ZC3H11A: variants seen among roughly 807,000 people sequenced by gnomAD.
ZC3H11A encodes the protein zinc finger CCCH-type containing 11A, also known as zinc finger CCCH domain-containing protein 11A.
Under a neutral mutation model 90.8 loss-of-function variants are expected in ZC3H11A, and 22 were observed. The ratio of observed to expected loss-of-function variants is 0.24; its 90% confidence interval spans 0.17 to 0.35. The LOEUF (loss-of-function observed/expected upper bound fraction) is 0.35. Among genes scored for constraint, ZC3H11A ranks in the 10% least tolerant of loss-of-function variants. ZC3H11A has a pLI of 1.00. For missense variants in ZC3H11A, 701 were observed against 964.9 expected (o/e 0.73, Z 3.62); for synonymous variants, 294 against 339.8 (o/e 0.87, Z 1.48).
chr1:203,821,996 A>G (rs1409336914), intron 4 of ZC3H11A, among the ~76,000 whole-genome samples: 1 of 152,070 alleles, frequency 6.6e-6, no homozygotes, highest in Non-Finnish European at 1.5e-5. Flanking sequence ...TGACCTCGTG[A>G]TCCGCCCGCC....
In ZC3H11A at chr1:203,801,071, A is replaced by G. The variant is rs796273400; in HGVS notation, c.-1587-504A>G. On this transcript the variant is annotated intron_variant, in intron 1 of 17. Transcript: ENST00000367210. ...AGGGAAATATTAGAAAACAATTAGGAAAATATACTTTTAGTCTTTGAAATG... is the reference window on the plus strand; with the variant it reads ...AGGGAAATATTAGAAAACAATTAGGGAAATATACTTTTAGTCTTTGAAATG... 3.9e-5 allele frequency: 6 copies of G among 152,336 alleles called. No homozygotes were observed. In the South Asian group the frequency reaches 6.2e-4, roughly 16 times the overall value. 9.4% of individuals were successfully genotyped at this position (152,336 alleles called of 1,614,324 possible).
At chr1:203,829,372 T>G in intron 5 of ZC3H11A, 79 bp from the exon 6 acceptor site, 6 of 1,428,240 alleles carry the variant, frequency 4.2e-6, no homozygotes, top group Non-Finnish European at 5.9e-6. Flanking sequence ...CACTATAGTT[T>G]TCATAGGTGG....
Position 203,833,829 on chromosome 1 carries a change from C to G in ZC3H11A, c.850C>G (p.Leu284Val). 6.2e-7 allele frequency: 1 copy of G among 1,610,002 alleles called. No homozygotes were observed. Among genetic ancestry groups the G allele is most frequent in the South Asian group, 1.1e-5 (1 of 90,106 alleles). Reference protein sequence around the residue: ...PLVRLSLTERLGKRKFSAGGD... With the variant: ...PLVRLSLTERVGKRKFSAGGD... Reference sequence around the variant, plus strand: ...GGTTAGATTGAGTCTTACTGAGAGACTGGGGAAACGAAAATTTTCAGCAGG... The same window carrying G: ...GGTTAGATTGAGTCTTACTGAGAGAGTGGGGAAACGAAAATTTTCAGCAGG... Residue 284 changes from leucine to valine, a missense_variant, in exon 10 of 18, where the codon CTG becomes GTG. By Grantham distance (32) the Leu-to-Val change is conservative. This residue lies in a region of ZC3H11A where 530 missense variants were observed against 696.2 expected (regional missense o/e 0.76). Transcript: ENST00000367210.
chr1:203,812,191 G>C (rs770213346), intron 2 of ZC3H11A, among the ~76,000 whole-genome samples: 5 of 152,052 alleles, frequency 3.3e-5, no homozygotes, highest in Non-Finnish European at 7.4e-5. Flanking sequence ...GTGTGTCGTG[G>C]GGGTTTGTTG....
Position 203,851,008 on chromosome 1 carries a change from A to C in ZC3H11A, c.2107-49A>C, listed in dbSNP as rs749319665. The stretch of plus-strand genomic sequence containing the variant: ...CAGCAAAAGAAAATGAATATGCTCA[A>C]ATTAAAAAGCCTGACTCTCACTGAA... On this transcript the variant is annotated intron_variant, in intron 16 of 17. Coordinates refer to ENST00000367210, the MANE Select transcript of ZC3H11A (RefSeq NM_001376342.1). 5.9e-5 allele frequency: 94 copies of C among 1,595,462 alleles called. 1 individual carries two copies. The South Asian group carries it at 1.0e-3, about 18-fold the overall frequency.
chr1:203,821,277 C>G (rs557103430), intron 4 of ZC3H11A, among the ~76,000 whole-genome samples: 1 of 152,226 alleles, frequency 6.6e-6, no homozygotes, highest in Admixed American at 6.5e-5. Context: ...TTCCTGAAGC[C>G]TCCCCAGCCA....
In ZC3H11A at chr1:203,840,314, T is replaced by G; in HGVS notation, c.982T>G (p.Ser328Ala). The part of the protein sequence containing the change: ...IDKTPKKAQV[S>A]KSLKERLGMS... ...AATCTTTCTTTTCACAGCTCAAGTTTCCAAGTCTCTTAAGGAGCGATTAGG... is the reference window on the plus strand; with the variant it reads ...AATCTTTCTTTTCACAGCTCAAGTTGCCAAGTCTCTTAAGGAGCGATTAGG... The change falls in exon 12 of 18, where the codon TCC (serine) becomes GCC (alanine). Residue 328 changes from serine to alanine, a missense_variant. Coordinates refer to ENST00000367210, the MANE Select transcript of ZC3H11A (RefSeq NM_001376342.1). 3 of 1,612,992 alleles carry G rather than the reference T, an allele frequency of 1.9e-6. No homozygotes were observed. The highest frequency in any genetic ancestry group is 2.5e-6 in the Non-Finnish European group (3 of 1,179,398).
chr1:203,839,949 A>G (rs993812040), intron 11 of ZC3H11A, among the ~76,000 whole-genome samples: 1 of 148,520 alleles, frequency 6.7e-6, no homozygotes, highest in Admixed American at 6.7e-5. Context: ...GATTACAGGC[A>G]TGTGCCACCA....
intron 2 of ZC3H11A, among the ~76,000 whole-genome samples, chr1:203,815,398 T>C (rs1472148832): frequency 7.1e-6 from 1 of 140,354 alleles, no homozygotes; most frequent in African/African-American, 2.6e-5. Flanking sequence ...TTTTTTTTTT[T>C]TTAAGAGATG....
chr1:203,829,748 A>G (rs1476885722), intron 6 of ZC3H11A, 32 bp from the exon 7 acceptor site: 1 of 1,612,842 alleles, frequency 6.2e-7, no homozygotes, highest in Admixed American at 1.7e-5. Flanking sequence ...CGTATTTTTA[A>G]TTGTGAATTT....
rs115624993 is a variant in ZC3H11A, at chr1:203,815,856, G to A, written c.-145-1070G>A. 4.3e-3 allele frequency among the ~76,000 whole-genome samples: 655 copies of A among 152,236 alleles called. 12 individuals carry two copies. In the South Asian group the frequency reaches 0.048, roughly 11 times the overall value. On this transcript the variant is annotated intron_variant, in intron 2 of 17. Transcript: ENST00000367210. ...TTGTGGAAACCCTTTCCATATTCTC[G>A]TATGTGCTTTTGTTATATGCTTTTG...
chr1:203,806,674 A>G (rs1672450850), intron 2 of ZC3H11A, among the ~76,000 whole-genome samples: 1 of 152,118 alleles, frequency 6.6e-6, no homozygotes, highest in South Asian at 2.1e-4. Context: ...AGACTGTTGA[A>G]TGGGTGTCCT....
intron 1 of ZC3H11A, chr1:203,797,553 T>A (rs775653820): frequency 2.0e-6 from 3 of 1,526,770 alleles, no homozygotes; most frequent in Middle Eastern, 1.7e-4. Context: ...TGTACCAGTT[T>A]CTTCACTCTC....
chr1:203,797,584 CT>C, intron 1 of ZC3H11A: 1 of 1,534,128 alleles, frequency 6.5e-7, no homozygotes, highest in Non-Finnish European at 8.7e-7. Flanking sequence ...AGATGCAACA[CT>C]TTTAGTGATT....
At chr1:203,830,927 T>A (rs1682088429) in intron 8 of ZC3H11A, among the ~76,000 whole-genome samples, 1 of 42,308 alleles carries the variant, frequency 2.4e-5, no homozygotes, top group Admixed American at 2.2e-4. Flanking sequence ...AACCCCCAAT[T>A]TTTTTTTTTT....
At chr1:203,815,220 T>TC (rs200079159) in intron 2 of ZC3H11A, among the ~76,000 whole-genome samples, 1 of 105,466 alleles carries the variant, frequency 9.5e-6, no homozygotes, top group African/African-American at 3.1e-5. Context: ...TCTTTTCTTT[T>TC]TTTTTTTTTT....
chr1:203,821,714 A>G (rs1256594209), intron 4 of ZC3H11A, among the ~76,000 whole-genome samples: 2 of 152,032 alleles, frequency 1.3e-5, no homozygotes, highest in East Asian at 1.9e-4. Flanking sequence ...AGGAATATAT[A>G]AATGTATACA....
intron 1 of ZC3H11A, chr1:203,796,088 C>T (rs1370605959): frequency 5.9e-6 from 1 of 170,292 alleles, no homozygotes; most frequent in Admixed American, 6.4e-5. Context: ...AACCTTCCTC[C>T]CCTCCCCCAC....
chr1:203,817,911 C>G (rs1299319255), intron 3 of ZC3H11A, among the ~76,000 whole-genome samples: 1 of 152,032 alleles, frequency 6.6e-6, no homozygotes, highest in Non-Finnish European at 1.5e-5. Context: ...TGCCACCACA[C>G]CCAGCTAACT....
Sources: allele counts gnomAD v4.1 joint callset (sites outside exome capture counted in the v4.1 genomes callset), GRCh38; gene constraint gnomAD v4.1.1; regional missense constraint gnomAD v4.1.1; transcripts MANE v1.5; gene names NCBI Gene and HGNC (gene_info 2026-07-23, HGNC 2026-07-21).